The following XDH variants were observed in gnomAD, a reference collection of about 807,000 sequenced individuals.
XDH encodes xanthine dehydrogenase, also known as xanthine dehydrogenase/oxidase.
In XDH, 138 loss-of-function variants were observed where a neutral mutation model predicts 156.1. That is an observed-to-expected ratio of 0.88 (90% confidence interval 0.77 to 1.02). The LOEUF (loss-of-function observed/expected upper bound fraction) is 1.02, where lower values mean the gene tolerates loss of function less well. Ranked by LOEUF, XDH falls within the 50% of genes least tolerant of loss-of-function variation. The probability of loss-of-function intolerance (pLI) is 0.00; values close to 1 mark genes in which losing one functional copy is unlikely to be tolerated. For synonymous variants in XDH, 669 were observed against 625.7 expected, an observed-to-expected ratio of 1.07 and a Z score of -1.03; for missense variants, 1,849 against 1,684.9, an observed-to-expected ratio of 1.10 and a Z score of -1.71.
chr2:31,350,246 G>C (rs374427141), intron 24 of XDH, 23 bp from the exon 25 acceptor site: 4 of 1,613,764 alleles, frequency 2.5e-6, no homozygotes, highest in Non-Finnish European at 1.7e-6. Flanking sequence ...AAACAAAAAT[G>C]GGAGAGAACA....
intron 1 of XDH, among the ~76,000 whole-genome samples, chr2:31,409,144 G>A (rs1485047487): frequency 5.3e-5 from 8 of 152,146 alleles, no homozygotes; most frequent in African/African-American, 1.9e-4. Flanking sequence ...GGCTGGAAAG[G>A]GTAGTAGGGG....
chr2:31,372,436 G>A (rs756395196), intron 16 of XDH, 39 bp from the exon 17 acceptor site: 1 of 1,613,368 alleles, frequency 6.2e-7, no homozygotes, highest in African/African-American at 1.3e-5. Flanking sequence ...GAGCTGCCAA[G>A]GACACTGCCC....
chr2:31,350,328 G>T, intron 24 of XDH, 105 bp from the exon 25 acceptor site: 1 of 1,004,572 alleles, frequency 1.0e-6, no homozygotes, highest in Non-Finnish European at 1.5e-6. Context: ...TTTCCCCTCT[G>T]CACCCAAGTT....
intron 31 of XDH, among the ~76,000 whole-genome samples, chr2:31,342,710 C>A (rs1685160226): frequency 6.6e-6 from 1 of 152,124 alleles, no homozygotes; most frequent in Non-Finnish European, 1.5e-5. Flanking sequence ...ACTGTTCACA[C>A]AGTTCTCCTG....
intron 9 of XDH, chr2:31,384,218 T>C (rs2148782906): frequency 3.6e-6 from 1 of 279,536 alleles, no homozygotes; most frequent in South Asian, 4.1e-5. Context: ...GCACTTTCCC[T>C]ATTTTAACTT....
intron 24 of XDH, among the ~76,000 whole-genome samples, chr2:31,361,034 T>C (rs1262180464): frequency 6.6e-6 from 1 of 152,240 alleles, no homozygotes; most frequent in Admixed American, 6.5e-5. Flanking sequence ...TTCAGAGGTA[T>C]AGTTTTGTTT....
At chr2:31,340,650 AAT>A (rs1248997048) in intron 33 of XDH, among the ~76,000 whole-genome samples, 5 of 151,882 alleles carry the variant, frequency 3.3e-5, no homozygotes. Context: ...TTGTATTTTT[AAT>A]AGAGACGGAG....
chr2:31,342,493 G>A (rs1558674623), intron 31 of XDH, among the ~76,000 whole-genome samples, 196 bp from the exon 32 acceptor site: 1 of 152,106 alleles, frequency 6.6e-6, no homozygotes, highest in Non-Finnish European at 1.5e-5. Flanking sequence ...TTGTCTCTGG[G>A]CCCTCCTCTA....
In XDH at chr2:31,388,042, A is replaced by G. The variant is rs999005530; in HGVS notation, c.565-145T>C. ...AGCAGGTAATCCCTGGGAGGCAGGA[A>G]TGAGAGAGTCTCAGTTACAGGACCC... On this transcript the variant is annotated intron_variant, in intron 7 of 35. Coordinates refer to ENST00000379416, the MANE Select transcript of XDH (RefSeq NM_000379.4). 4 of 1,118,898 alleles carry G rather than the reference A, an allele frequency of 3.6e-6. No individual in the cohort carries two copies. In the African/African-American group the frequency reaches 4.6e-5, roughly 13 times the overall value. 69.3% of individuals were successfully genotyped at this position (1,118,898 alleles called of 1,614,324 possible).
intron 6 of XDH, 81 bp downstream of exon 6, chr2:31,397,587 C>T: frequency 6.5e-7 from 1 of 1,547,188 alleles, no homozygotes; most frequent in Non-Finnish European, 8.9e-7. Context: ...ACCAGAGGCC[C>T]TTGGTCTCCC....
chr2:31,393,178 A>G (rs1199002305), intron 6 of XDH, among the ~76,000 whole-genome samples: 1 of 152,218 alleles, frequency 6.6e-6, no homozygotes, highest in African/African-American at 2.4e-5. Flanking sequence ...GAGTCCAACT[A>G]TGTCCTTACT....
chr2:31,387,951 C>A (rs138790720), intron 7 of XDH, 54 bp from the exon 8 acceptor site: 4 of 1,524,138 alleles, frequency 2.6e-6, no homozygotes, highest in Non-Finnish European at 3.6e-6. Context: ...TTCAAACACC[C>A]AAGAGGACCA....
chr2:31,413,801 G>T (rs1215670842), intron 1 of XDH, among the ~76,000 whole-genome samples: 1 of 152,170 alleles, frequency 6.6e-6, no homozygotes, highest in East Asian at 1.9e-4. Context: ...GTGGGAAGTT[G>T]AACAGGTATG....
At chr2:31,350,439 C>T (rs890892909) in intron 24 of XDH, among the ~76,000 whole-genome samples, 5 of 127,050 alleles carry the variant, frequency 3.9e-5, no homozygotes, top group South Asian at 5.1e-4. Context: ...TGCAGTGGAG[C>T]GATCTTGGCT....
intron 26 of XDH, 74 bp from the exon 27 acceptor site, chr2:31,349,054 T>A: frequency 2.8e-6 from 4 of 1,429,518 alleles, no homozygotes; most frequent in Non-Finnish European, 3.9e-6. Flanking sequence ...GATGTTCACA[T>A]CAAAACAGGA....
At chr2:31,387,934 T>C in intron 7 of XDH, 37 bp from the exon 8 acceptor site, 1 of 1,542,232 alleles carries the variant, frequency 6.5e-7, no homozygotes, top group South Asian at 1.2e-5. Flanking sequence ...ATGCAGTATC[T>C]CCTCCTTTCA....
In XDH at chr2:31,366,013, T is replaced by C; in HGVS notation, c.2419A>G (p.Thr807Ala). The change falls in exon 22 of 36, where the codon ACT (threonine) becomes GCT (alanine). Residue 807 changes from threonine to alanine, a missense_variant. Thr to Ala is a moderately conservative substitution (Grantham distance 58). Transcript: ENST00000379416. ...AGGGCCACTGCCGTGGACACCACAG[T>C]GCTCCGGGTCTCCTTGCCTCCAAAG... is the stretch of plus-strand genomic sequence containing the variant. ...GGFGGKETRS[T>A]VVSTAVALAA... The C allele has an allele frequency of 6.2e-7, 1 of 1,614,218 alleles. No individual in the cohort carries two copies. The highest frequency in any genetic ancestry group is 8.5e-7 in the Non-Finnish European group (1 of 1,180,024).
intron 24 of XDH, among the ~76,000 whole-genome samples, chr2:31,362,458 T>C (rs750220465): frequency 3.3e-5 from 5 of 152,192 alleles, no homozygotes; most frequent in Non-Finnish European, 5.9e-5. Flanking sequence ...ACTAACTAGA[T>C]AAGCCACAAG....
chr2:31,340,354 C>T (rs1055198402), intron 33 of XDH, among the ~76,000 whole-genome samples: 2 of 152,202 alleles, frequency 1.3e-5, no homozygotes, highest in Non-Finnish European at 2.9e-5. Flanking sequence ...GCCAGATTTT[C>T]GTATACTCAG....
Sources: allele counts gnomAD v4.1 joint callset (sites outside exome capture counted in the v4.1 genomes callset), GRCh38; gene constraint gnomAD v4.1.1; transcripts MANE v1.5; gene names NCBI Gene and HGNC (gene_info 2026-07-23, HGNC 2026-07-21).